Variants in CRLF3 observed in about 807,000 individuals in gnomAD.
CRLF3 encodes cytokine receptor-like factor 3.
Under a neutral mutation model 55.0 loss-of-function variants are expected in CRLF3, and 33 were observed. The ratio of observed to expected loss-of-function variants is 0.60; its 90% CI spans 0.46 to 0.80. The LOEUF is 0.80. Among genes scored for constraint, CRLF3 ranks in the 30% least tolerant of loss-of-function variants. The pLI, the probability that CRLF3 is intolerant of heterozygous loss-of-function variation, is 0.00. For synonymous variants in CRLF3, 238 were observed against 196.8 expected, an observed-to-expected ratio of 1.21 and a Z score of -1.75; for missense variants, 494 against 538.4, an observed-to-expected ratio of 0.92 and a Z score of 0.82.
intron 5 of CRLF3, among the ~76,000 whole-genome samples, chr17:30,793,185 G>GAA (rs1567660979): frequency 1.1e-4 from 16 of 151,898 alleles, no homozygotes; most frequent in Admixed American, 8.5e-4. Context: ...GAATAAAAAG[G>GAA]AATATCAGTG....
chr17:30,784,064 T>TA lies in CRLF3; in HGVS notation c.*122dup, dbSNP rs1971573223. ...CTAAAATATTACAAAATGAATCCAG[T>TA]AAACACTTTCCAATGGCCTAAGTTA... On this transcript the variant is annotated 3_prime_UTR_variant, in exon 8 of 8. Transcript: ENST00000324238. 1.2e-6 allele frequency: 1 copy of TA among 819,736 alleles called. No homozygotes were observed. The allele number at this position is 819,736 out of a possible 1,614,324, so 50.8% of individuals were successfully genotyped here. A position where few individuals can be genotyped will look rare whatever the true frequency, so the allele number is the denominator to read the frequency against.
rs1336353774 is a variant in CRLF3, at chr17:30,784,022, A to G, written c.*165T>C. 1.6e-6 allele frequency: 1 copy of G among 610,528 alleles called. No individual in the cohort carries two copies. The highest frequency in any genetic ancestry group is 2.8e-6 in the Non-Finnish European group (1 of 351,314). The allele number at this position is 610,528 out of a possible 1,614,324, so 37.8% of individuals were successfully genotyped here. A position where few individuals can be genotyped will look rare whatever the true frequency, so the allele number is the denominator to read the frequency against. On this transcript the variant is annotated 3_prime_UTR_variant, in exon 8 of 8. Coordinates refer to ENST00000324238, the MANE Select transcript of CRLF3 (RefSeq NM_015986.4). Reference sequence around the variant, plus strand: ...TGAATTGTATGATTTTGTCCACAACATTGAAGTCTCTTTTTGCTAAAATAT... The same window carrying G: ...TGAATTGTATGATTTTGTCCACAACGTTGAAGTCTCTTTTTGCTAAAATAT...
At chr17:30,797,774 T>G (rs1567662918) in intron 2 of CRLF3, among the ~76,000 whole-genome samples, 1 of 125,626 alleles carries the variant, frequency 8.0e-6, no homozygotes, top group Non-Finnish European at 1.6e-5. Flanking sequence ...GGGGATAGGG[T>G]GTTTTTTTTT....
rs796850107 is a variant in CRLF3 at position 30,811,390 on chromosome 17, GT to G, written c.130-7283del. Reference sequence around the variant, plus strand: ...AATCATTTGAGCTCAGGAGGTGGAGGTTGCAGTGAGCCGAGATCACGCCACT... The same window carrying G: ...AATCATTTGAGCTCAGGAGGTGGAGGTGCAGTGAGCCGAGATCACGCCACT... On this transcript the variant is annotated intron_variant, in intron 1 of 7. Transcript: ENST00000324238. Among the ~76,000 whole-genome samples the G allele has an allele frequency of 5.5e-4, 83 of 151,912 alleles. 1 individual carries two copies. The highest frequency in any genetic ancestry group is 2.0e-3 in the African/African-American group (81 of 41,424).
At chr17:30,808,186 C>T (rs1904479268) in intron 1 of CRLF3, among the ~76,000 whole-genome samples, 1 of 151,220 alleles carries the variant, frequency 6.6e-6, no homozygotes, top group African/African-American at 2.4e-5. Context: ...CCCTGGGATA[C>T]TGTTAGAAAT....
At chr17:30,799,651 C>A (rs1971975449) in intron 2 of CRLF3, among the ~76,000 whole-genome samples, 1 of 151,928 alleles carries the variant, frequency 6.6e-6, no homozygotes, top group Non-Finnish European at 1.5e-5. Flanking sequence ...ATTACAGGTG[C>A]CCACCACCAT....
At chr17:30,822,244 A>C (rs1456137745) in intron 1 of CRLF3, among the ~76,000 whole-genome samples, 1 of 152,136 alleles carries the variant, frequency 6.6e-6, no homozygotes, top group Non-Finnish European at 1.5e-5. Flanking sequence ...TGGAACCCTA[A>C]AAATATCCAA....
chr17:30,789,013 TCCCTTATG>T (rs376838447), intron 6 of CRLF3, among the ~76,000 whole-genome samples: 1 of 152,240 alleles, frequency 6.6e-6, no homozygotes, highest in African/African-American at 2.4e-5. Context: ...CACTTGCTCC[TCCCTTATG>T]CCCTTATGCA....
rs1029763805 is a variant in CRLF3, at chr17:30,784,071, T to C, written c.*116A>G. ...ATTACAAAATGAATCCAGTAAACAC[T>C]TTCCAATGGCCTAAGTTAGAGATGA... is the stretch of plus-strand genomic sequence containing the variant. On this transcript the variant is annotated 3_prime_UTR_variant, in exon 8 of 8. Coordinates refer to ENST00000324238, the MANE Select transcript of CRLF3 (RefSeq NM_015986.4). 2.2e-6 allele frequency: 2 copies of C among 905,198 alleles called. No individual in the cohort carries two copies. The highest frequency in any genetic ancestry group is 2.6e-5 in the Admixed American group (1 of 39,168). The allele number at this position is 905,198 out of a possible 1,614,324, so 56.1% of individuals were successfully genotyped here.
At chr17:30,817,904 CAAAAAAAAAAAA>C (rs924297403) in intron 1 of CRLF3, among the ~76,000 whole-genome samples, 2 of 61,322 alleles carry the variant, frequency 3.3e-5, no homozygotes, top group Non-Finnish European at 6.2e-5. Context: ...GACTCCATCC[CAAAAAAAAAAAA>C]AAAAAAAAAA....
At chr17:30,796,064 G>T (rs1028259972) in intron 4 of CRLF3, 96 bp downstream of exon 4, 3 of 727,656 alleles carry the variant, frequency 4.1e-6, no homozygotes, top group Non-Finnish European at 4.2e-6. Flanking sequence ...GAGAAGAAAA[G>T]AATGTATTTA....
intron 6 of CRLF3, among the ~76,000 whole-genome samples, chr17:30,788,698 C>A (rs1427565444): frequency 2.0e-5 from 3 of 149,008 alleles, no homozygotes; most frequent in South Asian, 2.1e-4. Context: ...ACCTCCGCCT[C>A]CTGGGTTCAA....
intron 2 of CRLF3, among the ~76,000 whole-genome samples, chr17:30,799,365 A>ATTT (rs1351279953): frequency 6.6e-6 from 1 of 151,924 alleles, no homozygotes. Context: ...CCTCAAAGGG[A>ATTT]TTTTTTCTTT....
chr17:30,819,835 C>T (rs1027209405), intron 1 of CRLF3, among the ~76,000 whole-genome samples: 6 of 152,048 alleles, frequency 3.9e-5, no homozygotes, highest in Non-Finnish European at 8.8e-5. Flanking sequence ...GGGGTAGTAA[C>T]CTAAGTATCA....
At chr17:30,785,158 C>T (rs551995461) in intron 7 of CRLF3, 1 of 148,954 alleles carries the variant, frequency 6.7e-6, no homozygotes, top group African/African-American at 2.5e-5. Context: ...TCACTGCAAC[C>T]TCCGCCTCCC....
In CRLF3 at chr17:30,824,627, G is replaced by C. The variant is rs765821824; in HGVS notation, c.25C>G (p.Pro9Ala). 8.7e-6 allele frequency: 14 copies of C among 1,601,736 alleles called. No individual in the cohort carries two copies. In the Middle Eastern group the frequency reaches 6.8e-4, roughly 78 times the overall value. The change falls in exon 1 of 8, where the codon CCT becomes GCT. Residue 9 changes from proline (P) to alanine (A), a missense_variant. Transcript: ENST00000324238. MRGAMELE[P>A]ELLLQEAREN... Reference sequence around the variant, plus strand: ...CGGGCCTCCTGCAACAGCAGCTCAGGCTCCAGCTCCATCGCCCCCCTCATC... The same window carrying C: ...CGGGCCTCCTGCAACAGCAGCTCAGCCTCCAGCTCCATCGCCCCCCTCATC...
chr17:30,792,348 A>AACTC (rs1971821172), intron 6 of CRLF3, 92 bp downstream of exon 6: 1 of 1,217,318 alleles, frequency 8.2e-7, no homozygotes, highest in East Asian at 2.4e-5. Flanking sequence ...TGACGGAATA[A>AACTC]ACTCAGGATG....
rs532391302 is a variant in CRLF3 at position 30,812,622 on chromosome 17, A to G, written c.130-8514T>C. Reference sequence around the variant, plus strand: ...TAATCTGTTACAGTAGTGGCCCCCAATGAACCAGGAATTCACATTTCCAAC... The same window carrying G: ...TAATCTGTTACAGTAGTGGCCCCCAGTGAACCAGGAATTCACATTTCCAAC... On this transcript the variant is annotated intron_variant, in intron 1 of 7. Coordinates refer to ENST00000324238, the MANE Select transcript of CRLF3 (RefSeq NM_015986.4). Among the ~76,000 whole-genome samples, 8 of 152,310 alleles carry G rather than the reference A, an allele frequency of 5.3e-5. No homozygotes were observed. In the South Asian group the frequency reaches 1.7e-3, roughly 32 times the overall value.
Position 30,824,541 on chromosome 17 carries a change from C to T in CRLF3, c.111G>A (p.Leu37=). 2 of 1,594,512 alleles carry T rather than the reference C, an allele frequency of 1.3e-6. No individual in the cohort carries two copies. The change falls in exon 1 of 8, where the codon CTG becomes CTA. Residue 37 remains leucine (L), a synonymous_variant. Transcript: ENST00000324238. ...RRELGHRLEG[L]REARRQIKES... The stretch of plus-strand genomic sequence containing the variant: ...CTCCGACCTGCCTCCGCGCCTCACG[C>T]AGCCCCTCAAGCCGGTGACCCAGCT...
Sources: allele counts gnomAD v4.1 joint callset (sites outside exome capture counted in the v4.1 genomes callset), GRCh38; gene constraint gnomAD v4.1.1; transcripts MANE v1.5; gene names NCBI Gene and HGNC (gene_info 2026-07-23, HGNC 2026-07-21).